The following RNF38 variants were observed in gnomAD, a reference collection of about 807,000 sequenced individuals.
RNF38 encodes the protein E3 ubiquitin-protein ligase RNF38.
In RNF38, 15 loss-of-function variants were observed where a neutral mutation model predicts 67.2. The ratio of observed to expected loss-of-function variants is 0.22; its 90% CI spans 0.15 to 0.34. The LOEUF (loss-of-function observed/expected upper bound fraction) is 0.34, where lower values mean the gene tolerates loss of function less well. Among genes scored for constraint, RNF38 ranks in the 10% least tolerant of loss-of-function variants. RNF38 has a pLI of 1.00. For synonymous variants in RNF38, 220 were observed against 218.8 expected, an observed-to-expected ratio of 1.01 and a Z score of -0.05; for missense variants, 524 against 639.9, an observed-to-expected ratio of 0.82 and a Z score of 1.95.
chr9:36,458,055 C>T (rs995033980), intron 1 of RNF38, among the ~76,000 whole-genome samples: 1 of 152,158 alleles, frequency 6.6e-6, no homozygotes, highest in African/African-American at 2.4e-5. Context: ...TAAGGCAGTC[C>T]ATTGATGGTT....
chr9:36,400,278 G>C, upstream of RNF38: 2 of 1,324,754 alleles, frequency 1.5e-6, no homozygotes, highest in Non-Finnish European at 1.9e-6. Context: ...ACGCCAGAGA[G>C]GACCCTTTCG....
At chr9:36,464,886 T>G (rs1389670830) in intron 1 of RNF38, among the ~76,000 whole-genome samples, 1 of 152,194 alleles carries the variant, frequency 6.6e-6, no homozygotes, top group Non-Finnish European at 1.5e-5. Context: ...AAAGCAAATG[T>G]ACTAAAATGC....
At chr9:36,388,957 C>CT (rs375282787) in intron 2 of RNF38, among the ~76,000 whole-genome samples, 1 of 151,896 alleles carries the variant, frequency 6.6e-6, no homozygotes, top group South Asian at 2.1e-4. Flanking sequence ...AAATTACACC[C>CT]TTTTTTAAAA....
intron 2 of RNF38, among the ~76,000 whole-genome samples, chr9:36,416,129 C>T (rs543213985): frequency 6.9e-6 from 1 of 144,030 alleles, no homozygotes; most frequent in East Asian, 2.1e-4. Flanking sequence ...CAAGTAAGGG[C>T]CAGGTTAGGC....
chr9:36,390,732 C>T (rs1368490312), intron 1 of RNF38, 116 bp from the exon 2 acceptor site: 2 of 1,069,382 alleles, frequency 1.9e-6, no homozygotes, highest in East Asian at 5.0e-5. Flanking sequence ...CTAGCGAAGA[C>T]AGGAAAGAAA....
At chr9:36,372,809 A>T (rs918562998) in intron 3 of RNF38, among the ~76,000 whole-genome samples, 1 of 152,198 alleles carries the variant, frequency 6.6e-6, no homozygotes, top group African/African-American at 2.4e-5. Context: ...GGTCCAAGGC[A>T]TTTCCTGTGA....
rs985740945 is a variant in RNF38 at position 36,338,250 on chromosome 9, A to T, written c.*1502T>A. On this transcript the variant is annotated 3_prime_UTR_variant, in exon 12 of 12. Coordinates refer to ENST00000259605, the MANE Select transcript of RNF38 (RefSeq NM_022781.5). ...TATGCTCAAAGAACTTACTAAAAAA[A>T]ACCCCATACAGCTATGTATTACATC... The T allele has an allele frequency of 6.6e-6, 1 of 152,250 alleles. No individual in the cohort carries two copies. Among genetic ancestry groups the T allele is most frequent in the Non-Finnish European group, 1.5e-5 (1 of 68,048 alleles). 9.4% of individuals were successfully genotyped at this position (152,250 alleles called of 1,614,324 possible).
chr9:36,343,848 T>C (rs540892960), intron 10 of RNF38, among the ~76,000 whole-genome samples: 21 of 152,098 alleles, frequency 1.4e-4, no homozygotes, highest in Non-Finnish European at 7.4e-5. Flanking sequence ...ATAGACACAG[T>C]GTAGACTGGG....
chr9:36,362,485 AAT>A (rs1554681194), intron 4 of RNF38, among the ~76,000 whole-genome samples: 14 of 151,760 alleles, frequency 9.2e-5, no homozygotes, highest in Non-Finnish European at 1.8e-4. Flanking sequence ...AAAAAAAAAA[AAT>A]CATCAGATGA....
At chr9:36,400,911 CGCG>C, upstream of RNF38, 3 of 972,146 alleles carry the variant, frequency 3.1e-6, no homozygotes, top group Non-Finnish European at 3.7e-6. Flanking sequence ...CCCGCCCCGC[CGCG>C]CCCCGCCGCA....
upstream of RNF38, among the ~76,000 whole-genome samples, chr9:36,401,871 A>G (rs2483653): frequency 0.6 from 90,548 of 151,920 alleles, 27,359 homozygotes; most frequent in Non-Finnish European, 0.65. Context: ...CGGGTTTTCA[A>G]GTTCTAGTTC....
In RNF38 at chr9:36,463,267, G is replaced by C. The variant is rs1839778473; in HGVS notation, n.241+24041C>G. Among the ~76,000 whole-genome samples the C allele has an allele frequency of 2.6e-5, 4 of 152,174 alleles. No homozygotes were observed. In the South Asian group the frequency reaches 8.3e-4, roughly 32 times the overall value. ...AGCCAGTATGTAGGCCTGGTACACAGTAGACACTCATTTGTTTCTTGCATG... is the reference window on the plus strand; with the variant it reads ...AGCCAGTATGTAGGCCTGGTACACACTAGACACTCATTTGTTTCTTGCATG... On this transcript the variant is annotated intron_variant and non_coding_transcript_variant, in intron 1 of 3. Coordinates refer to the RNF38 transcript ENST00000488058.
At chr9:36,439,150 A>G (rs948291193) in intron 1 of RNF38, among the ~76,000 whole-genome samples, 2 of 152,254 alleles carry the variant, frequency 1.3e-5, no homozygotes, top group African/African-American at 4.8e-5. Context: ...CACAAAAATT[A>G]TATTCTAGCT....
At chr9:36,368,234 T>C (rs968072507) in intron 4 of RNF38, among the ~76,000 whole-genome samples, 2 of 152,224 alleles carry the variant, frequency 1.3e-5, no homozygotes, top group Non-Finnish European at 2.9e-5. Flanking sequence ...GCTCAGGATT[T>C]CTAATTCTTG....
chr9:36,373,503 T>C (rs903173008), intron 3 of RNF38, among the ~76,000 whole-genome samples: 4 of 151,320 alleles, frequency 2.6e-5, no homozygotes, highest in Middle Eastern at 3.4e-3. Flanking sequence ...CTAAGAAAAA[T>C]GAAGGGGAAC....
intron 2 of RNF38, among the ~76,000 whole-genome samples, chr9:36,383,433 G>A (rs932844294): frequency 5.9e-5 from 9 of 152,192 alleles, no homozygotes; most frequent in African/African-American, 1.9e-4. Flanking sequence ...CTCATGATCC[G>A]CCCACTTCAG....
intron 1 of RNF38, among the ~76,000 whole-genome samples, chr9:36,449,590 C>G (rs1477306989): frequency 6.6e-6 from 1 of 152,182 alleles, no homozygotes; most frequent in African/African-American, 2.4e-5. Context: ...CGCGTGCCAA[C>G]ACGCCCGGCT....
In RNF38 at chr9:36,344,868, C is replaced by T. The variant is rs745695380; in HGVS notation, c.1349G>A (p.Arg450Gln). The T allele has an allele frequency of 6.2e-6, 10 of 1,613,876 alleles. No homozygotes were observed. Among genetic ancestry groups the T allele is most frequent in the South Asian group, 1.1e-5 (1 of 91,056 alleles). The part of the protein sequence containing the change: ...KADIEQLPSY[R>Q]FNPNNHQSEQ... ...TGACTGGTGGTTGTTAGGATTGAAC[C>T]GATAAGAAGGAAGTTGTTCAATATC... Residue 450 changes from arginine to glutamine, a missense_variant, in exon 10 of 12, where the codon CGG (arginine) becomes CAG (glutamine). Physicochemically the swap from Arg to Gln is conservative, Grantham distance 43. This residue lies in a region of RNF38 where 63 missense variants were observed against 122.5 expected (regional missense o/e 0.51). Coordinates refer to ENST00000259605, the MANE Select transcript of RNF38 (RefSeq NM_022781.5).
chr9:36,412,690 A>C (rs1838357015), intron 2 of RNF38, among the ~76,000 whole-genome samples: 1 of 152,362 alleles, frequency 6.6e-6, no homozygotes, highest in African/African-American at 2.4e-5. Context: ...CTGTAATCCC[A>C]GCACTTTGGG....
Sources: gnomAD v4.1 joint callset for allele counts (sites outside exome capture counted in the v4.1 genomes callset) on GRCh38, gnomAD v4.1.1 for gene constraint, gnomAD v4.1.1 regional missense constraint, MANE v1.5 for transcripts, NCBI Gene and HGNC (gene_info 2026-07-23, HGNC 2026-07-21) for gene names.